Variants in PTPRD observed in about 807,000 individuals in gnomAD.
PTPRD encodes protein tyrosine phosphatase receptor type D.
A neutral mutation model predicts 214.5 loss-of-function variants in PTPRD; 34 were observed. That is an observed-to-expected ratio of 0.16 (90% CI 0.12 to 0.21). The LOEUF is 0.21. Among genes scored for constraint, PTPRD ranks in the 10% least tolerant of loss-of-function variants. The probability of loss-of-function intolerance (pLI) is 1.00; values close to 1 mark genes in which losing one functional copy is unlikely to be tolerated. For synonymous variants in PTPRD, 1,128 were observed against 845.7 expected (o/e 1.33, Z -5.79); for missense variants, 2,545 against 2,398.7 (o/e 1.06, Z -1.27).
intron 8 of PTPRD, among the ~76,000 whole-genome samples, chr9:9,555,515 CACATAATT>C (rs1379106964): frequency 6.6e-6 from 1 of 152,048 alleles, no homozygotes; most frequent in Non-Finnish European, 1.5e-5. Flanking sequence ...TATACACATG[CACATAATT>C]ACATGACACT....
intron 5 of PTPRD, among the ~76,000 whole-genome samples, chr9:9,779,078 CAAAA>C (rs869120926): frequency 0.032 from 1,459 of 45,368 alleles, 27 homozygotes; most frequent in East Asian, 0.31. Context: ...ATAAGACTGA[CAAAA>C]AAAAAAAAAA....
rs2083382924 is a variant in PTPRD at position 8,376,787 on chromosome 9, T to C, written c.4387-61A>G. On this transcript the variant is annotated intron_variant, in intron 37 of 45. Transcript: ENST00000381196. ...TCATCAATTTCTCTATTAACTTTGC[T>C]TTGAGTTGCTGTTGAAGGAAAACAG... is the stretch of plus-strand genomic sequence containing the variant. 5.0e-6 allele frequency: 8 copies of C among 1,598,862 alleles called. No individual in the cohort carries two copies. In the South Asian group the frequency reaches 9.0e-5, roughly 18 times the overall value.
chr9:8,492,768 A>G, intron 27 of PTPRD, 94 bp downstream of exon 27: 1 of 819,480 alleles, frequency 1.2e-6, no homozygotes, highest in Non-Finnish European at 1.8e-6. Context: ...ATTTCCTCTG[A>G]TTTTACTATA....
chr9:10,111,863 G>A (rs900123582), intron 3 of PTPRD, among the ~76,000 whole-genome samples: 8 of 152,150 alleles, frequency 5.3e-5, no homozygotes, highest in African/African-American at 1.7e-4. Flanking sequence ...TTGGAAGCAC[G>A]AGAATTTGGA....
rs1010729288 is a variant in PTPRD at position 9,739,537 on chromosome 9, T to C, written c.-325-4966A>G. 2.2e-4 allele frequency among the ~76,000 whole-genome samples: 33 copies of C among 152,128 alleles called. 1 individual carries two copies. Among genetic ancestry groups the C allele is most frequent in the African/African-American group, 7.9e-4 (33 of 41,536 alleles). ...CAACATCCTTTTAGTATCATCAGGG[T>C]TTATAGTGATTTAACTGACATTAGC... On this transcript the variant is annotated intron_variant, in intron 6 of 45. Coordinates refer to ENST00000381196, the MANE Select transcript of PTPRD (RefSeq NM_002839.4).
At chr9:8,776,640 T>C (rs2095488886) in intron 11 of PTPRD, among the ~76,000 whole-genome samples, 1 of 151,942 alleles carries the variant, frequency 6.6e-6, no homozygotes, top group Non-Finnish European at 1.5e-5. Context: ...GGTGATCCAA[T>C]GGGCTCTGTA....
intron 2 of PTPRD, among the ~76,000 whole-genome samples, chr9:10,463,678 A>G (rs1214121956): frequency 6.6e-6 from 1 of 152,160 alleles, no homozygotes; most frequent in Non-Finnish European, 1.5e-5. Flanking sequence ...AAGCCAAAGC[A>G]TTATTGTTTC....
intron 8 of PTPRD, among the ~76,000 whole-genome samples, chr9:9,518,621 T>A (rs1020264634): frequency 6.6e-6 from 1 of 151,984 alleles, no homozygotes; most frequent in African/African-American, 2.4e-5. Context: ...AGCAAAAACC[T>A]GGGACCCGAA....
chr9:9,426,196 G>T (rs1019894457), intron 8 of PTPRD, among the ~76,000 whole-genome samples: 5 of 152,142 alleles, frequency 3.3e-5, no homozygotes, highest in African/African-American at 9.7e-5. Flanking sequence ...GGAATATTGG[G>T]TCACTCCCAC....
chr9:8,436,544 G>T (rs769463703), intron 35 of PTPRD, 48 bp downstream of exon 35: 1 of 1,411,824 alleles, frequency 7.1e-7, no homozygotes, highest in Non-Finnish European at 1.0e-6. Flanking sequence ...CAAAAAAAGA[G>T]AAGAGTAACT....
At chr9:8,672,698 C>A (rs910758416) in intron 12 of PTPRD, among the ~76,000 whole-genome samples, 8 of 151,876 alleles carry the variant, frequency 5.3e-5, no homozygotes, top group Non-Finnish European at 1.0e-4. Flanking sequence ...ACATACTGTC[C>A]CTGAAATAGT....
At chr9:9,605,984 G>C (rs2094128218) in intron 7 of PTPRD, among the ~76,000 whole-genome samples, 1 of 151,916 alleles carries the variant, frequency 6.6e-6, no homozygotes, top group Admixed American at 6.6e-5. Context: ...ATGCTAAAAA[G>C]GAATCTGTTA....
At chr9:9,106,331 G>A (rs963108894) in intron 10 of PTPRD, among the ~76,000 whole-genome samples, 7 of 151,744 alleles carry the variant, frequency 4.6e-5, no homozygotes, top group Non-Finnish European at 1.0e-4. Context: ...AATAACAATA[G>A]GCATGTACCA....
chr9:8,417,549 G>C (rs554966657), intron 35 of PTPRD, among the ~76,000 whole-genome samples: 4 of 152,264 alleles, frequency 2.6e-5, no homozygotes, highest in South Asian at 4.1e-4. Context: ...GAATCTGAAA[G>C]CTTCTGAAAG....
At chr9:9,384,707 T>G (rs758779977) in intron 9 of PTPRD, among the ~76,000 whole-genome samples, 1 of 152,024 alleles carries the variant, frequency 6.6e-6, no homozygotes, top group Non-Finnish European at 1.5e-5. Context: ...TAAAATGAGC[T>G]CCTTGATCAC....
intron 9 of PTPRD, among the ~76,000 whole-genome samples, chr9:9,260,780 TGACA>T (rs1422933181): frequency 2.0e-5 from 3 of 151,988 alleles, no homozygotes; most frequent in African/African-American, 7.2e-5. Flanking sequence ...ATGTACTCAC[TGACA>T]ATCACTTTTT....
intron 39 of PTPRD, among the ~76,000 whole-genome samples, chr9:8,353,692 C>G (rs928382900): frequency 3.3e-5 from 5 of 151,830 alleles, no homozygotes; most frequent in Non-Finnish European, 7.4e-5. Context: ...CCTCAGCCCC[C>G]CAAAGTGGTG....
intron 8 of PTPRD, among the ~76,000 whole-genome samples, chr9:9,535,468 C>T (rs1446701064): frequency 6.6e-6 from 1 of 152,070 alleles, no homozygotes; most frequent in African/African-American, 2.4e-5. Context: ...AAACAAATGT[C>T]CAGTGACTTA....
At chr9:8,909,855 G>T (rs974355680) in intron 11 of PTPRD, among the ~76,000 whole-genome samples, 5 of 109,440 alleles carry the variant, frequency 4.6e-5, no homozygotes, top group African/African-American at 1.6e-4. Context: ...TGGAGAGAGA[G>T]ATATTAAAGG....
Sources: gnomAD v4.1 joint callset for allele counts (sites outside exome capture counted in the v4.1 genomes callset) on GRCh38, gnomAD v4.1.1 for gene constraint, MANE v1.5 for transcripts, NCBI Gene and HGNC (gene_info 2026-07-23, HGNC 2026-07-21) for gene names.